The following SDHC variants were observed in gnomAD, a reference collection of about 807,000 sequenced individuals.
SDHC encodes the protein succinate dehydrogenase complex subunit C, also known as succinate dehydrogenase cytochrome b560 subunit, mitochondrial.
SDHC carries 11 observed loss-of-function variants against 22.6 expected under a neutral mutation model. That is an observed-to-expected ratio of 0.49 (90% CI 0.31 to 0.81). SDHC has a LOEUF of 0.81. Ranked by LOEUF, SDHC falls within the 30% of genes least tolerant of loss-of-function variation. The pLI, the probability that SDHC is intolerant of heterozygous loss-of-function variation, is 0.05. For synonymous variants in SDHC, 80 were observed against 77.8 expected (o/e 1.03, Z -0.15); for missense variants, 160 against 212.0 (o/e 0.75, Z 1.52).
At chr1:161,320,280 G>A (rs375981017) in intron 1 of SDHC, among the ~76,000 whole-genome samples, 9 of 152,174 alleles carry the variant, frequency 5.9e-5, no homozygotes, top group Middle Eastern at 3.4e-3. Context: ...TTTGGTAGTT[G>A]GGTGGTAATA....
rs1672167481 is a variant in SDHC, at chr1:161,353,667, G to C, written c.242-3010G>C. Among the ~76,000 whole-genome samples the C allele has an allele frequency of 2.6e-5, 4 of 152,020 alleles. No homozygotes were observed. In the South Asian group the frequency reaches 8.3e-4, roughly 32 times the overall value. ...ACAGCTTATTTATTTCTTAGCCATT[G>C]AGTAGACATTTTTTAAAAAAAATCA... On this transcript the variant is annotated intron_variant, in intron 4 of 5. Transcript: ENST00000367975.
chr1:161,328,337 G>A (rs1326899389), intron 2 of SDHC, 59 bp from the exon 3 acceptor site: 5 of 1,339,304 alleles, frequency 3.7e-6, no homozygotes, highest in Non-Finnish European at 5.4e-6. Flanking sequence ...AAAACGTTAT[G>A]CAAAATATTA....
intron 5 of SDHC, among the ~76,000 whole-genome samples, chr1:161,361,946 T>G (rs1286873081): frequency 1.3e-5 from 2 of 151,698 alleles, no homozygotes; most frequent in African/African-American, 4.8e-5. Context: ...ATACAATGGC[T>G]TTCAACATTC....
At chr1:161,332,863 C>T (rs1034531963) in intron 3 of SDHC, among the ~76,000 whole-genome samples, 2 of 152,036 alleles carry the variant, frequency 1.3e-5, no homozygotes, top group African/African-American at 2.4e-5. Flanking sequence ...GAACTCCTGA[C>T]CTCAGGTGAT....
chr1:161,334,818 A>G (rs950995719), intron 3 of SDHC, among the ~76,000 whole-genome samples: 2 of 152,168 alleles, frequency 1.3e-5, no homozygotes, highest in South Asian at 2.1e-4. Context: ...CATAGGTTCT[A>G]GAGATTAGAA....
chr1:161,345,597 C>T (rs985529020), intron 4 of SDHC, among the ~76,000 whole-genome samples: 1 of 151,936 alleles, frequency 6.6e-6, no homozygotes, highest in Non-Finnish European at 1.5e-5. Context: ...GCTGGGACTA[C>T]AGGCGCCTGC....
Position 161,362,871 on chromosome 1 carries a change from A to G in SDHC, c.*438A>G, listed in dbSNP as rs1672582362. 6.7e-6 allele frequency: 3 copies of G among 450,000 alleles called. No individual in the cohort carries two copies. Among genetic ancestry groups the G allele is most frequent in the Non-Finnish European group, 4.1e-6 (1 of 241,604 alleles). 27.9% of individuals were successfully genotyped at this position (450,000 alleles called of 1,614,324 possible). ...CACTGCCTGTGGGTTGCTGGCTTAA[A>G]GGACAATTCTCTTCATTGGTGAGAG... is the stretch of plus-strand genomic sequence containing the variant. On this transcript the variant is annotated 3_prime_UTR_variant, in exon 6 of 6. Transcript: ENST00000367975.
chr1:161,328,811 A>G (rs1010691351), intron 3 of SDHC, among the ~76,000 whole-genome samples: 3 of 152,218 alleles, frequency 2.0e-5, no homozygotes, highest in African/African-American at 7.2e-5. Flanking sequence ...AAATTTACAT[A>G]AACGTTGCAG....
At chr1:161,341,265 C>T (rs1671710362) in intron 4 of SDHC, among the ~76,000 whole-genome samples, 1 of 152,204 alleles carries the variant, frequency 6.6e-6, no homozygotes, top group South Asian at 2.1e-4. Context: ...TGATGAAACA[C>T]AGTCCAACCT....
chr1:161,319,929 T>TGGCC (rs146094586), intron 1 of SDHC, among the ~76,000 whole-genome samples: 17,767 of 152,142 alleles, frequency 0.12, 1,386 homozygotes, highest in African/African-American at 0.22. Flanking sequence ...TCCAGAGAGT[T>TGGCC]GGCCACGTTG....
intron 2 of SDHC, 144 bp from the exon 3 acceptor site, chr1:161,328,252 T>G: frequency 1.5e-6 from 1 of 687,694 alleles, no homozygotes; most frequent in South Asian, 1.5e-5. Flanking sequence ...TCCGCCCGCC[T>G]CGGCCTCCCA....
At chr1:161,320,931 A>G (rs905069956) in intron 1 of SDHC, among the ~76,000 whole-genome samples, 3 of 148,866 alleles carry the variant, frequency 2.0e-5, no homozygotes, top group African/African-American at 7.5e-5. Flanking sequence ...GGTTCAAGCG[A>G]TTCTCCTGCC....
intron 2 of SDHC, among the ~76,000 whole-genome samples, chr1:161,324,951 A>G (rs1266384438): frequency 1.3e-5 from 2 of 152,184 alleles, no homozygotes; most frequent in African/African-American, 4.8e-5. Context: ...CTGTAATCCC[A>G]ACACTTTAGG....
intron 4 of SDHC, among the ~76,000 whole-genome samples, chr1:161,356,430 T>C (rs1672274608): frequency 6.6e-6 from 1 of 152,036 alleles, no homozygotes. Context: ...TCCCCACTAC[T>C]CAGGAGGCTG....
chr1:161,346,539 C>G (rs1206113619), intron 4 of SDHC, among the ~76,000 whole-genome samples: 1 of 152,108 alleles, frequency 6.6e-6, no homozygotes, highest in Non-Finnish European at 1.5e-5. Context: ...GCTGGGATTA[C>G]AGGCATGCAC....
intron 3 of SDHC, among the ~76,000 whole-genome samples, chr1:161,335,376 T>C (rs576670987): frequency 6.6e-6 from 1 of 152,338 alleles, no homozygotes; most frequent in South Asian, 2.1e-4. Flanking sequence ...CTAAATATTC[T>C]TTCTCATCAG....
At chr1:161,325,919 G>A (rs1190256225) in intron 2 of SDHC, among the ~76,000 whole-genome samples, 3 of 152,146 alleles carry the variant, frequency 2.0e-5, no homozygotes, top group Non-Finnish European at 2.9e-5. Flanking sequence ...CAGAGTTATC[G>A]GCCTGGCACG....
At chr1:161,330,607 T>C (rs1671236404) in intron 3 of SDHC, among the ~76,000 whole-genome samples, 1 of 152,248 alleles carries the variant, frequency 6.6e-6, no homozygotes. Context: ...GCCTCTTTTT[T>C]GTCTGTAGAA....
At chr1:161,344,686 A>G (rs114436180) in intron 4 of SDHC, among the ~76,000 whole-genome samples, 3,002 of 152,272 alleles carry the variant, frequency 0.02, 79 homozygotes, top group African/African-American at 0.065. Flanking sequence ...CAGGTGGATG[A>G]CTTAAGCAAA....
Sources: allele counts gnomAD v4.1 joint callset (sites outside exome capture counted in the v4.1 genomes callset), GRCh38; gene constraint gnomAD v4.1.1; transcripts MANE v1.5; gene names NCBI Gene and HGNC (gene_info 2026-07-23, HGNC 2026-07-21).